The following TNFSF13B variants were observed in gnomAD, a reference collection of about 807,000 sequenced individuals.
TNFSF13B encodes the protein tumor necrosis factor ligand superfamily member 13B.
In TNFSF13B, 8 loss-of-function variants were observed where a neutral mutation model predicts 29.1. The ratio of observed to expected loss-of-function variants is 0.27; its 90% confidence interval spans 0.16 to 0.50. The LOEUF (loss-of-function observed/expected upper bound fraction) is 0.50, where lower values mean the gene tolerates loss of function less well. Ranked by LOEUF, TNFSF13B falls within the 20% of genes least tolerant of loss-of-function variation. The probability of loss-of-function intolerance (pLI) is 0.98; values close to 1 mark genes in which losing one functional copy is unlikely to be tolerated. For synonymous variants in TNFSF13B, 125 were observed against 130.8 expected, an observed-to-expected ratio of 0.96 and a Z score of 0.30; for missense variants, 248 against 334.9, an observed-to-expected ratio of 0.74 and a Z score of 2.03.
chr13:108,275,292 T>G (rs1880733086), intron 2 of TNFSF13B, among the ~76,000 whole-genome samples: 1 of 152,108 alleles, frequency 6.6e-6, no homozygotes, highest in Admixed American at 6.5e-5. Flanking sequence ...ATAATTTTAT[T>G]AATTTTAAGA....
chr13:108,286,854 A>T lies in TNFSF13B; in HGVS notation c.476A>T (p.Gln159Leu). 1 of 1,564,042 alleles carries T rather than the reference A, an allele frequency of 6.4e-7. No individual in the cohort carries two copies. ...LIADSETPTI[Q>L]KGSYTFVPWL... The stretch of plus-strand genomic sequence containing the variant: ...GCAGACAGTGAAACACCAACTATAC[A>T]AAAAGGTAATAAAATATAGCAAAGA... Residue 159 changes from glutamine to leucine, a missense_variant, in exon 3 of 6, where the codon CAA becomes CTA. Coordinates refer to ENST00000375887, the MANE Select transcript of TNFSF13B (RefSeq NM_006573.5).
chr13:108,289,719 A>G (rs542821423), intron 3 of TNFSF13B, among the ~76,000 whole-genome samples: 5 of 151,342 alleles, frequency 3.3e-5, no homozygotes, highest in Non-Finnish European at 7.4e-5. Flanking sequence ...AAATCATGTT[A>G]TGTATTCCAG....
chr13:108,283,070 T>C (rs1271003435), intron 2 of TNFSF13B, among the ~76,000 whole-genome samples: 1 of 152,232 alleles, frequency 6.6e-6, no homozygotes, highest in East Asian at 1.9e-4. Flanking sequence ...ATATTGCCAT[T>C]TTTGCTCCTC....
chr13:108,306,947 C>G lies in TNFSF13B; in HGVS notation c.*9C>G. ...CATTGAAACTGCTGTGACCTACTTA[C>G]ACCATGTCTGTAGCTATTTTCCTCC... On this transcript the variant is annotated 3_prime_UTR_variant, in exon 6 of 6. Coordinates refer to ENST00000375887, the MANE Select transcript of TNFSF13B (RefSeq NM_006573.5). 6.8e-7 allele frequency: 1 copy of G among 1,472,466 alleles called. No individual in the cohort carries two copies. The highest frequency in any genetic ancestry group is 9.3e-7 in the Non-Finnish European group (1 of 1,080,490). The allele number at this position is 1,472,466 out of a possible 1,614,324, so 91.2% of individuals were successfully genotyped here.
intron 3 of TNFSF13B, among the ~76,000 whole-genome samples, chr13:108,299,192 A>G (rs2139066374): frequency 6.8e-6 from 1 of 146,200 alleles, no homozygotes; most frequent in Admixed American, 6.8e-5. Context: ...TTTTAATTTC[A>G]AATTCCACTT....
rs1435139414 is a variant in TNFSF13B at position 108,269,989 on chromosome 13, C to T, written c.94C>T (p.Pro32Ser). Residue 32 changes from proline to serine, a missense_variant, in exon 1 of 6, where the codon CCA (proline) becomes TCA (serine). By Grantham distance (74) the Pro-to-Ser change is moderately conservative. Transcript: ENST00000375887. ...MKLKECVSILPRKESPSVRSS... is the reference protein window; with the variant it reads ...MKLKECVSILSRKESPSVRSS... ...ACTGAAGGAGTGTGTTTCCATCCTCCCACGGAAGGAAAGCCCCTCTGTCCG... is the reference window on the plus strand; with the variant it reads ...ACTGAAGGAGTGTGTTTCCATCCTCTCACGGAAGGAAAGCCCCTCTGTCCG... The T allele has an allele frequency of 2.5e-6, 4 of 1,613,534 alleles. No individual in the cohort carries two copies. The highest frequency in any genetic ancestry group is 2.5e-6 in the Non-Finnish European group (3 of 1,180,004).
intron 3 of TNFSF13B, among the ~76,000 whole-genome samples, chr13:108,300,356 A>C (rs1881582683): frequency 6.6e-6 from 1 of 152,220 alleles, no homozygotes; most frequent in Non-Finnish European, 1.5e-5. Context: ...GGAACCAAAC[A>C]TAAATGGCCC....
intron 3 of TNFSF13B, among the ~76,000 whole-genome samples, chr13:108,298,111 A>G (rs1881505906): frequency 6.9e-6 from 1 of 144,954 alleles, no homozygotes; most frequent in Admixed American, 6.8e-5. Context: ...AGTAATAGCA[A>G]TTTAAGTTTC....
At chr13:108,279,045 T>C (rs1053801735) in intron 2 of TNFSF13B, among the ~76,000 whole-genome samples, 1 of 152,118 alleles carries the variant, frequency 6.6e-6, no homozygotes, top group African/African-American at 2.4e-5. Context: ...CCACAATTCA[T>C]GGAAATTGTT....
intron 5 of TNFSF13B, among the ~76,000 whole-genome samples, chr13:108,306,199 T>C (rs1881771628): frequency 6.6e-6 from 1 of 152,088 alleles, no homozygotes; most frequent in African/African-American, 2.4e-5. Context: ...ATTACACTGT[T>C]GTTTTTGATT....
At chr13:108,300,487 T>G (rs1447602144) in intron 3 of TNFSF13B, among the ~76,000 whole-genome samples, 1 of 152,196 alleles carries the variant, frequency 6.6e-6, no homozygotes, top group African/African-American at 2.4e-5. Context: ...AGTCATCAGT[T>G]TGTGTTTTAC....
intron 3 of TNFSF13B, among the ~76,000 whole-genome samples, chr13:108,292,053 C>A (rs1247736246): frequency 7.0e-6 from 1 of 143,038 alleles, no homozygotes; most frequent in African/African-American, 2.5e-5. Flanking sequence ...TATTTTACAA[C>A]CACCAACTCT....
intron 3 of TNFSF13B, among the ~76,000 whole-genome samples, chr13:108,287,548 T>A (rs1166259869): frequency 3.9e-5 from 6 of 152,068 alleles, no homozygotes. Flanking sequence ...TACAATAAAA[T>A]AAAAACCAAT....
In TNFSF13B at chr13:108,296,903, T is replaced by A. The variant is rs182935273; in HGVS notation, c.482-6350T>A. On this transcript the variant is annotated intron_variant, in intron 3 of 5. Transcript: ENST00000375887. The stretch of plus-strand genomic sequence containing the variant: ...TGTCACAAAATATACGCTTATACAT[T>A]GTAAGCCCTTAACATAAATTAATAA... 3.4e-5 allele frequency among the ~76,000 whole-genome samples: 5 copies of A among 145,800 alleles called. No homozygotes were observed. In the East Asian group the frequency reaches 7.7e-4, roughly 23 times the overall value.
chr13:108,278,690 TC>T (rs1448013350), intron 2 of TNFSF13B, among the ~76,000 whole-genome samples: 1 of 96,174 alleles, frequency 1.0e-5, no homozygotes, highest in African/African-American at 4.0e-5. Flanking sequence ...CCTTTCCTCC[TC>T]CTCTTCCTCC....
intron 5 of TNFSF13B, 135 bp downstream of exon 5, chr13:108,303,739 G>T: frequency 1.1e-6 from 1 of 916,558 alleles, no homozygotes. Context: ...TCAATATATT[G>T]TGTTTTTTAA....
chr13:108,281,968 A>G (rs953826993), intron 2 of TNFSF13B, among the ~76,000 whole-genome samples: 1 of 152,102 alleles, frequency 6.6e-6, no homozygotes, highest in Non-Finnish European at 1.5e-5. Flanking sequence ...ATTCAAAGCT[A>G]GTTCAAGAAA....
chr13:108,286,722 G>T (rs1881148236), intron 2 of TNFSF13B, 81 bp from the exon 3 acceptor site: 9 of 815,940 alleles, frequency 1.1e-5, no homozygotes, highest in African/African-American at 7.0e-5. Context: ...GTTTCTGGAA[G>T]AGTGGGTTTC....
intron 3 of TNFSF13B, among the ~76,000 whole-genome samples, 158 bp downstream of exon 3, chr13:108,287,017 A>G (rs1311665065): frequency 6.6e-6 from 1 of 151,282 alleles, no homozygotes; most frequent in Admixed American, 6.6e-5. Flanking sequence ...GCTGGAAACC[A>G]TCATTCTCAG....
Sources: allele counts gnomAD v4.1 joint callset (sites outside exome capture counted in the v4.1 genomes callset), GRCh38; gene constraint gnomAD v4.1.1; transcripts MANE v1.5; gene names NCBI Gene and HGNC (gene_info 2026-07-23, HGNC 2026-07-21).